KLF8: variants seen among roughly 807,000 people sequenced by gnomAD.
The protein encoded by KLF8 is KLF transcription factor 8, also known as Krueppel-like factor 8.
Under a neutral mutation model 18.2 loss-of-function variants are expected in KLF8, and 10 were observed. The ratio of observed to expected loss-of-function variants is 0.55; its 90% confidence interval spans 0.34 to 0.93. The LOEUF (loss-of-function observed/expected upper bound fraction) is 0.93. Ranked by LOEUF, KLF8 falls within the 40% of genes least tolerant of loss-of-function variation. The pLI, the probability that KLF8 is intolerant of heterozygous loss-of-function variation, is 0.02. For missense variants in KLF8, 264 were observed against 277.9 expected (o/e 0.95, Z 0.36); for synonymous variants, 109 against 97.3 (o/e 1.12, Z -0.71).
chrX:56,078,294 T>C, the KLF8 span, among the ~76,000 whole-genome samples: 1 of 112,076 alleles, frequency 8.9e-6, no homozygotes, highest in Admixed American at 9.4e-5. Flanking sequence ...TAGATAGCTC[T>C]TATTATTTTG....
the KLF8 span, among the ~76,000 whole-genome samples, chrX:56,169,767 C>T: frequency 1.8e-5 from 2 of 112,056 alleles, no homozygotes; most frequent in South Asian, 3.7e-4. Flanking sequence ...GGGGAACTTG[C>T]TACCATGAAA....
the KLF8 span, among the ~76,000 whole-genome samples, chrX:56,159,255 C>G: frequency 4.5e-5 from 5 of 111,693 alleles, no homozygotes; most frequent in Non-Finnish European, 9.4e-5. Context: ...TCATAGTGGA[C>G]AAACTTTTTG....
intron 1 of KLF8, among the ~76,000 whole-genome samples, chrX:56,235,249 A>G (rs1010554598): frequency 9.3e-6 from 1 of 108,032 alleles, no homozygotes; most frequent in African/African-American, 3.4e-5. Context: ...CAATGCCATG[A>G]TTTTGTGAAT....
At chrX:56,077,319 C>T in the KLF8 span, among the ~76,000 whole-genome samples, 12 of 111,665 alleles carry the variant, frequency 1.1e-4, no homozygotes, top group Non-Finnish European at 1.7e-4. Flanking sequence ...AATTTTTGTA[C>T]AAGGTGTAAG....
the KLF8 span, among the ~76,000 whole-genome samples, chrX:56,115,620 C>CA: frequency 9.0e-6 from 1 of 111,594 alleles, no homozygotes; most frequent in Non-Finnish European, 1.9e-5. Flanking sequence ...GCCATGAGGG[C>CA]AGGCATTATG....
chrX:55,947,488 G>T, the KLF8 span, among the ~76,000 whole-genome samples: 3 of 98,464 alleles, frequency 3.0e-5, no homozygotes, highest in Non-Finnish European at 6.2e-5. Flanking sequence ...GGACTGTTGT[G>T]GGGTGGAGGG....
the KLF8 span, among the ~76,000 whole-genome samples, chrX:56,128,936 T>C: frequency 1.9e-5 from 2 of 102,657 alleles, no homozygotes; most frequent in Admixed American, 1.1e-4. Context: ...GAAAATTGAG[T>C]GTCTGCAATG....
At chrX:56,265,889 CT>C in intron 3 of KLF8, 145 bp downstream of exon 3, 1 of 1,058,281 alleles carries the variant, frequency 9.4e-7, no homozygotes, top group Non-Finnish European at 1.2e-6. Flanking sequence ...TTTTTTATGT[CT>C]TTTTAATGCT....
the KLF8 span, among the ~76,000 whole-genome samples, chrX:56,161,132 G>A: frequency 9.0e-6 from 1 of 111,361 alleles, no homozygotes; most frequent in Non-Finnish European, 1.9e-5. Context: ...AGTATTTTAT[G>A]TCTCCTTCAC....
chrX:56,042,444 A>G, the KLF8 span, among the ~76,000 whole-genome samples: 2 of 111,273 alleles, frequency 1.8e-5, no homozygotes, highest in African/African-American at 6.5e-5. Flanking sequence ...GTGGGGTGTT[A>G]AAGTACTCCC....
At chrX:56,187,057 A>T in the KLF8 span, among the ~76,000 whole-genome samples, 1 of 111,738 alleles carries the variant, frequency 8.9e-6, no homozygotes, top group Admixed American at 9.5e-5. Context: ...GAGACAAAAA[A>T]CCCTTCAAAA....
chrX:56,150,684 C>G, the KLF8 span, among the ~76,000 whole-genome samples: 1 of 110,577 alleles, frequency 9.0e-6, no homozygotes, highest in Non-Finnish European at 1.9e-5. Flanking sequence ...GGCTGCCCTC[C>G]TATCCCTGGG....
At chrX:56,112,936 G>C in the KLF8 span, among the ~76,000 whole-genome samples, 1 of 111,086 alleles carries the variant, frequency 9.0e-6, no homozygotes, top group Non-Finnish European at 1.9e-5. Context: ...GATGCAGCTG[G>C]ACATGGTGGC....
the KLF8 span, among the ~76,000 whole-genome samples, chrX:55,977,814 A>T: frequency 5.4e-5 from 6 of 111,346 alleles, no homozygotes; most frequent in African/African-American, 2.0e-4. Context: ...AGACGAGAGT[A>T]GAAGCAGGGA....
chrX:56,228,150 G>A (rs1006547874), upstream of KLF8, among the ~76,000 whole-genome samples: 1 of 112,335 alleles, frequency 8.9e-6, no homozygotes, highest in African/African-American at 3.2e-5. Context: ...TATACATACA[G>A]TGGCAAGGGT....
the KLF8 span, among the ~76,000 whole-genome samples, chrX:56,184,463 G>A: frequency 9.8e-4 from 111 of 112,714 alleles, no homozygotes; most frequent in African/African-American, 3.5e-3. Context: ...CAAACAAAAA[G>A]ACAGCAGTAA....
chrX:55,982,052 C>A, the KLF8 span, among the ~76,000 whole-genome samples: 1 of 110,457 alleles, frequency 9.1e-6, no homozygotes, highest in African/African-American at 3.3e-5. Flanking sequence ...GAAGTAAGAG[C>A]TGGCTGATTT....
chrX:56,182,222 C>A, the KLF8 span, among the ~76,000 whole-genome samples: 1 of 112,148 alleles, frequency 8.9e-6, no homozygotes, highest in African/African-American at 3.2e-5. Context: ...CATCTTCAAT[C>A]ACTGATACCC....
intron 1 of KLF8, among the ~76,000 whole-genome samples, chrX:56,234,798 T>A (rs900938249): frequency 1.8e-5 from 2 of 112,559 alleles, no homozygotes; most frequent in Non-Finnish European, 3.8e-5. Context: ...TTGAGAGTTG[T>A]TGACCTTTGG....
Sources: gnomAD v4.1 joint callset for allele counts (sites outside exome capture counted in the v4.1 genomes callset) on GRCh38, gnomAD v4.1.1 for gene constraint, MANE v1.5 for transcripts, NCBI Gene and HGNC (gene_info 2026-07-23, HGNC 2026-07-21) for gene names.